The following CACNA1E variants were observed in gnomAD, a reference collection of about 807,000 sequenced individuals.
CACNA1E encodes calcium voltage-gated channel subunit alpha1 E.
Under a neutral mutation model 259.2 loss-of-function variants are expected in CACNA1E, and 40 were observed. That is an observed-to-expected ratio of 0.15 (90% CI 0.12 to 0.20). The LOEUF is 0.20. Ranked by LOEUF, CACNA1E falls within the 10% of genes least tolerant of loss-of-function variation. The pLI is 1.00. For synonymous variants in CACNA1E, 1,104 were observed against 1,138.5 expected (o/e 0.97, Z 0.61); for missense variants, 1,874 against 3,040.1 (o/e 0.62, Z 9.02).
chr1:181,626,769 C>A (rs1186569298), intron 6 of CACNA1E, among the ~76,000 whole-genome samples: 1 of 152,234 alleles, frequency 6.6e-6, no homozygotes, highest in African/African-American at 2.4e-5. Flanking sequence ...GAAAGCACTT[C>A]AGAAACTTAT....
intron 7 of CACNA1E, among the ~76,000 whole-genome samples, chr1:181,708,244 G>A (rs1207299765): frequency 2.0e-5 from 3 of 152,256 alleles, no homozygotes; most frequent in East Asian, 1.9e-4. Flanking sequence ...TGAACGTCAC[G>A]CTTGAAGGCT....
chr1:181,612,295 G>T (rs942731108), intron 6 of CACNA1E, among the ~76,000 whole-genome samples: 1 of 152,202 alleles, frequency 6.6e-6, no homozygotes, highest in Admixed American at 6.5e-5. Context: ...TCTCAGTCAC[G>T]TGATGCACTC....
intron 7 of CACNA1E, among the ~76,000 whole-genome samples, chr1:181,680,547 A>T (rs2102260044): frequency 6.6e-6 from 1 of 152,276 alleles, no homozygotes; most frequent in Middle Eastern, 3.4e-3. Context: ...GCACATGCCG[A>T]CCAGCCCAGC....
At chr1:181,403,864 T>C (rs1657276500) in intron 1 of CACNA1E, among the ~76,000 whole-genome samples, 1 of 152,198 alleles carries the variant, frequency 6.6e-6, no homozygotes, top group Non-Finnish European at 1.5e-5. Context: ...TGTGATTTTC[T>C]TGGCCCTGCT....
intron 2 of CACNA1E, among the ~76,000 whole-genome samples, chr1:181,424,873 T>A (rs1341143309): frequency 6.6e-6 from 1 of 152,094 alleles, no homozygotes; most frequent in African/African-American, 2.4e-5. Context: ...CCTCCCTGTT[T>A]GGAGGCTCAG....
In CACNA1E at chr1:181,796,866, CA is replaced by C; in HGVS notation, c.6399+9del. 6.3e-7 allele frequency: 1 copy of C among 1,576,368 alleles called. No homozygotes were observed. The highest frequency in any genetic ancestry group is 8.6e-7 in the Non-Finnish European group (1 of 1,158,222). ...CAGACGCCCAACAGACAGGTGAGCG[CA>C]GAGAGGAAGCCAGTCTACAGCAGAA... On this transcript the variant is annotated intron_variant, in intron 47 of 47. Coordinates refer to ENST00000367573, the MANE Select transcript of CACNA1E (RefSeq NM_001205293.3).
chr1:181,336,106 C>G (rs1651692347), intron 1 of CACNA1E, among the ~76,000 whole-genome samples: 1 of 152,200 alleles, frequency 6.6e-6, no homozygotes, highest in Admixed American at 6.5e-5. Flanking sequence ...ATGGGTACTT[C>G]TATTGTGACT....
At chr1:181,711,277 T>C (rs1375076655) in intron 8 of CACNA1E, among the ~76,000 whole-genome samples, 5 of 152,210 alleles carry the variant, frequency 3.3e-5, no homozygotes, top group African/African-American at 1.2e-4. Flanking sequence ...TCCCAACACC[T>C]TAAGGCAGGC....
chr1:181,434,779 C>T (rs908853900), intron 2 of CACNA1E, among the ~76,000 whole-genome samples: 21 of 152,256 alleles, frequency 1.4e-4, no homozygotes, highest in Admixed American at 3.3e-4. Context: ...GGGAACACTT[C>T]GGAGCTCAGG....
chr1:181,723,396 T>C (rs1654588428), intron 16 of CACNA1E, among the ~76,000 whole-genome samples: 1 of 152,220 alleles, frequency 6.6e-6, no homozygotes, highest in Admixed American at 6.5e-5. Flanking sequence ...CTTTTGAATG[T>C]GGCTGAACAA....
At chr1:181,788,551 A>G (rs2102860198) in intron 43 of CACNA1E, among the ~76,000 whole-genome samples, 1 of 152,344 alleles carries the variant, frequency 6.6e-6, no homozygotes, top group East Asian at 1.9e-4. Context: ...CTGCACTCTT[A>G]GAGTGGCCTC....
In CACNA1E at chr1:181,715,321, C is replaced by T; in HGVS notation, c.1172-17C>T. Reference sequence around the variant, plus strand: ...GGCATTTACAGATAATTTACCAAACCATTTGTTTCCATATAGAGGAAGTCA... The same window carrying T: ...GGCATTTACAGATAATTTACCAAACTATTTGTTTCCATATAGAGGAAGTCA... On this transcript the variant is annotated splice_polypyrimidine_tract_variant and intron_variant, in intron 8 of 47. Coordinates refer to ENST00000367573, the MANE Select transcript of CACNA1E (RefSeq NM_001205293.3). The T allele has an allele frequency of 3.2e-6, 5 of 1,540,406 alleles. No individual in the cohort carries two copies. Among genetic ancestry groups the T allele is most frequent in the African/African-American group, 1.4e-5 (1 of 73,666 alleles).
chr1:181,445,381 T>C (rs1410730408), intron 2 of CACNA1E, among the ~76,000 whole-genome samples: 2 of 152,196 alleles, frequency 1.3e-5, no homozygotes, highest in African/African-American at 2.4e-5. Flanking sequence ...TAAGCAAATA[T>C]GTGGAAAAGT....
intron 29 of CACNA1E, among the ~76,000 whole-genome samples, chr1:181,756,366 AC>A (rs1185273297): frequency 6.6e-6 from 1 of 152,198 alleles, no homozygotes; most frequent in Non-Finnish European, 1.5e-5. Flanking sequence ...CTTCTATGGA[AC>A]AAATGAGTTT....
At chr1:181,532,213 G>A (rs1667840274) in intron 3 of CACNA1E, among the ~76,000 whole-genome samples, 1 of 152,192 alleles carries the variant, frequency 6.6e-6, no homozygotes, top group African/African-American at 2.4e-5. Flanking sequence ...CTGTTTGAGT[G>A]TTTGTTGTTT....
chr1:181,541,180 T>C (rs1446781652), intron 3 of CACNA1E, among the ~76,000 whole-genome samples: 1 of 152,182 alleles, frequency 6.6e-6, no homozygotes, highest in East Asian at 1.9e-4. Context: ...AAGGAAAAGG[T>C]TTTTTCCTCC....
intron 2 of CACNA1E, among the ~76,000 whole-genome samples, chr1:181,447,649 A>G (rs1660878963): frequency 6.6e-6 from 1 of 152,240 alleles, no homozygotes; most frequent in Non-Finnish European, 1.5e-5. Flanking sequence ...CTCCAAATTT[A>G]TTATCTTACA....
chr1:181,650,706 A>AT (rs56766163), intron 6 of CACNA1E, among the ~76,000 whole-genome samples: 25,600 of 152,182 alleles, frequency 0.17, 2,227 homozygotes, highest in South Asian at 0.28. Context: ...ATTTGCAGGC[A>AT]TTTTTTAATT....
chr1:181,397,573 C>T (rs1051674679), intron 1 of CACNA1E, among the ~76,000 whole-genome samples: 3 of 152,200 alleles, frequency 2.0e-5, no homozygotes, highest in Non-Finnish European at 4.4e-5. Flanking sequence ...GCTGGGATTA[C>T]AGGTATGAGC....
Sources: gnomAD v4.1 joint callset for allele counts (sites outside exome capture counted in the v4.1 genomes callset) on GRCh38, gnomAD v4.1.1 for gene constraint, MANE v1.5 for transcripts, NCBI Gene and HGNC (gene_info 2026-07-23, HGNC 2026-07-21) for gene names.